The following ADCY3 variants were observed in gnomAD, a reference collection of about 807,000 sequenced individuals.
The protein encoded by ADCY3 is adenylate cyclase type 3.
Under a neutral mutation model 119.4 loss-of-function variants are expected in ADCY3, and 70 were observed. The observed-to-expected ratio is 0.59, with a 90% CI of 0.48 to 0.72. The LOEUF (loss-of-function observed/expected upper bound fraction) is 0.72, where lower values mean the gene tolerates loss of function less well. Ranked by LOEUF, ADCY3 falls within the 30% of genes least tolerant of loss-of-function variation. ADCY3 has a pLI of 0.00. For missense variants in ADCY3, 1,238 were observed against 1,541.6 expected (o/e 0.80, Z 3.30); for synonymous variants, 672 against 621.4 (o/e 1.08, Z -1.21).
rs771396489 is a variant in ADCY3 at position 24,919,631 on chromosome 2, G to T, written c.-198+52C>A. The T allele has an allele frequency of 2.0e-5, 3 of 152,294 alleles. No individual in the cohort carries two copies. The highest frequency in any genetic ancestry group is 4.4e-5 in the Non-Finnish European group (3 of 68,180). The allele number at this position is 152,294 out of a possible 1,614,324, so 9.4% of individuals were successfully genotyped here. ...GGCTCCGATCCGGCCCCCTTCCCAC[G>T]CTCGGGGCGCTGTCTTCCCCCCCGG... On this transcript the variant is annotated intron_variant, in intron 1 of 21. Transcript: ENST00000679454. The surrounding 1 kb of genome is among the most constrained non-coding windows in gnomAD (Gnocchi z 5.5).
At position 24,823,492 on chromosome 2, in the gene ADCY3, A is replaced by ATTTT. The variant is rs5829941; in HGVS notation, c.2737-141_2737-138dup. On this transcript the variant is annotated intron_variant, in intron 17 of 21. Coordinates refer to ENST00000679454, the MANE Select transcript of ADCY3 (RefSeq NM_004036.5). ...CACACATCAGTCAGATTATTCCAGCATTTTTTTTTTTTTTTTTAAGAGTGG... is the reference window on the plus strand; with the variant it reads ...CACACATCAGTCAGATTATTCCAGCATTTTTTTTTTTTTTTTTTTTTAAGAGTGG... The ATTTT allele has an allele frequency of 1.2e-3, 771 of 659,226 alleles. 7 individuals are homozygous for ATTTT. Among genetic ancestry groups the ATTTT allele is most frequent in the Middle Eastern group, 1.8e-3 (4 of 2,208 alleles). The allele number at this position is 659,226 out of a possible 1,614,324, so 40.8% of individuals were successfully genotyped here.
chr2:24,821,376 G>T, intron 20 of ADCY3, 141 bp downstream of exon 20: 1 of 1,260,690 alleles, frequency 7.9e-7, no homozygotes, highest in Non-Finnish European at 1.1e-6. Context: ...GGTCTTTCAG[G>T]TCTCCTTGCC....
intron 13 of ADCY3, among the ~76,000 whole-genome samples, chr2:24,828,869 A>C (rs113000860): frequency 6.6e-6 from 1 of 151,976 alleles, no homozygotes; most frequent in African/African-American, 2.4e-5. Flanking sequence ...TGCAGTGGTG[A>C]CCTCCACACC....
chr2:24,826,222 C>T lies in ADCY3; in HGVS notation c.2496-96G>A, dbSNP rs1668597350. ...CTAGATGGTGCTGCTTCCTGCCACC[C>T]CAGCCCTAGAGCTCACCCCGGCTCC... On this transcript the variant is annotated intron_variant, in intron 15 of 21. Transcript: ENST00000679454. The T allele has an allele frequency of 6.2e-6, 7 of 1,126,148 alleles. No homozygotes were observed. In the Admixed American group the frequency reaches 1.0e-4, roughly 17 times the overall value. The allele number at this position is 1,126,148 out of a possible 1,614,324, so 69.8% of individuals were successfully genotyped here.
Position 24,919,249 on chromosome 2 carries a change from G to A in ADCY3, c.-197-65C>T, listed in dbSNP as rs1186674884. ...CTACCTTGCGGTTTCCCCATGACCCGCCCTAACCCTCATAAAAGGATCTCT... is the reference window on the plus strand; with the variant it reads ...CTACCTTGCGGTTTCCCCATGACCCACCCTAACCCTCATAAAAGGATCTCT... On this transcript the variant is annotated intron_variant, in intron 1 of 21. Coordinates refer to ENST00000679454, the MANE Select transcript of ADCY3 (RefSeq NM_004036.5). The surrounding 1 kb of genome is among the most constrained non-coding windows in gnomAD (Gnocchi z 5.5). The A allele has an allele frequency of 1.3e-5, 6 of 469,302 alleles. No homozygotes were observed. The highest frequency in any genetic ancestry group is 1.9e-5 in the Non-Finnish European group (5 of 259,482). The allele number at this position is 469,302 out of a possible 1,614,324, so 29.1% of individuals were successfully genotyped here. A position where few individuals can be genotyped will look rare whatever the true frequency, so the allele number is the denominator to read the frequency against.
chr2:24,840,677 G>A (rs1299429422), intron 6 of ADCY3: 13 of 380,502 alleles, frequency 3.4e-5, no homozygotes. Flanking sequence ...GCAGAGGCTG[G>A]AAGTCAACCA....
At chr2:24,851,988 G>A (rs1214925593) in intron 3 of ADCY3, among the ~76,000 whole-genome samples, 8 of 152,288 alleles carry the variant, frequency 5.3e-5, no homozygotes, top group South Asian at 2.1e-4. Flanking sequence ...GATTAAAGCC[G>A]TATTCCTTGG....
intron 13 of ADCY3, 97 bp downstream of exon 13, chr2:24,830,612 G>C (rs1488251990): frequency 2.6e-5 from 23 of 868,276 alleles, no homozygotes; most frequent in Non-Finnish European, 4.2e-5. Flanking sequence ...ACATGACGGT[G>C]GAGGGATGGA....
Position 24,918,332 on chromosome 2 carries a change from C to A in ADCY3, c.656G>T (p.Gly219Val). ...ACTCACCTCCCGCAGCAGCTGCATCCCCTTGAGCTCCTCCTGCTGCTGCTG... is the reference window on the plus strand; with the variant it reads ...ACTCACCTCCCGCAGCAGCTGCATCACCTTGAGCTCCTCCTGCTGCTGCTG... ...VAQQQQEELK[G>V]MQLLREILAN... The change falls in exon 2 of 22, where the codon GGG becomes GTG. Residue 219 changes from glycine to valine, a missense_variant. This residue lies in a region of ADCY3 where 283 missense variants were observed against 437.2 expected (regional missense o/e 0.65). Coordinates refer to ENST00000679454, the MANE Select transcript of ADCY3 (RefSeq NM_004036.5). The surrounding 1 kb of genome is among the most constrained non-coding windows in gnomAD (Gnocchi z 5.4). 2 of 1,584,604 alleles carry A rather than the reference C, an allele frequency of 1.3e-6. No homozygotes were observed. Among genetic ancestry groups the A allele is most frequent in the Non-Finnish European group, 1.7e-6 (2 of 1,164,704 alleles).
intron 3 of ADCY3, among the ~76,000 whole-genome samples, chr2:24,871,058 A>G (rs1391992388): frequency 1.3e-5 from 2 of 152,180 alleles, no homozygotes; most frequent in African/African-American, 2.4e-5. Context: ...GACAAGATCA[A>G]TGCAGACAGA....
intron 2 of ADCY3, among the ~76,000 whole-genome samples, chr2:24,900,706 C>A (rs367547821): frequency 9.2e-5 from 14 of 152,152 alleles, no homozygotes; most frequent in African/African-American, 3.4e-4. Context: ...AGCAACATAG[C>A]TGAATTCAAA....
chr2:24,915,034 G>A (rs1664281385), intron 2 of ADCY3, among the ~76,000 whole-genome samples: 1 of 152,212 alleles, frequency 6.6e-6, no homozygotes. Context: ...AGCCCCATGT[G>A]TACCTTCTGT....
intron 2 of ADCY3, among the ~76,000 whole-genome samples, chr2:24,914,285 C>T (rs1049668546): frequency 1.3e-5 from 2 of 152,146 alleles, no homozygotes; most frequent in African/African-American, 4.8e-5. Context: ...GACAAATGAG[C>T]CCTGGGCTGG....
rs568357731 is a variant in ADCY3, at chr2:24,834,209, C to G, written c.1967+276G>C. Reference sequence around the variant, plus strand: ...GGGCCCATCTAGCCAAGGTCTCCAGCCTTCTGGAGGCCTCTGTCCCTCAGC... The same window carrying G: ...GGGCCCATCTAGCCAAGGTCTCCAGGCTTCTGGAGGCCTCTGTCCCTCAGC... On this transcript the variant is annotated intron_variant, in intron 11 of 21. Transcript: ENST00000679454. This position sits in a 1 kb window ranked among gnomAD's most constrained non-coding sequence, Gnocchi z 4.2. Among the ~76,000 whole-genome samples the G allele has an allele frequency of 1.3e-5, 2 of 152,242 alleles. No homozygotes were observed. Among genetic ancestry groups the G allele is most frequent in the Non-Finnish European group, 1.5e-5 (1 of 68,042 alleles).
intron 2 of ADCY3, among the ~76,000 whole-genome samples, chr2:24,917,124 T>C (rs1200824652): frequency 1.3e-5 from 2 of 152,180 alleles, no homozygotes; most frequent in African/African-American, 4.8e-5. Flanking sequence ...GAGTGGAAGA[T>C]TCTGTCTGTC....
intron 2 of ADCY3, chr2:24,877,856 C>A (rs1027827837): frequency 2.1e-6 from 1 of 470,532 alleles, no homozygotes; most frequent in Non-Finnish European, 4.4e-6. Flanking sequence ...ACTTCTGGGC[C>A]CAAGGGCAAC....
chr2:24,823,685 C>A (rs1379178817), intron 17 of ADCY3, among the ~76,000 whole-genome samples: 2 of 121,782 alleles, frequency 1.6e-5, no homozygotes, highest in Non-Finnish European at 3.4e-5. Context: ...AATAGCTCAT[C>A]GCTACTTTTT....
At position 24,841,021 on chromosome 2, in the gene ADCY3, T is replaced by C. The variant is rs1670933763; in HGVS notation, c.1196+238A>G. Among the ~76,000 whole-genome samples, 1 of 152,212 alleles carries C rather than the reference T, an allele frequency of 6.6e-6. No individual in the cohort carries two copies. Among genetic ancestry groups the C allele is most frequent in the African/African-American group, 2.4e-5 (1 of 41,458 alleles). The stretch of plus-strand genomic sequence containing the variant: ...AATACGTGGACTAAGGCTGGAAAAG[T>C]GTGCCCCACAGGCTGGGGGAGCCTC... On this transcript the variant is annotated intron_variant, in intron 6 of 21. Coordinates refer to ENST00000679454, the MANE Select transcript of ADCY3 (RefSeq NM_004036.5). This position sits in a 1 kb window ranked among gnomAD's most constrained non-coding sequence, Gnocchi z 5.8.
At chr2:24,877,929 A>G (rs760954373) in intron 2 of ADCY3, 2 of 471,176 alleles carry the variant, frequency 4.2e-6, no homozygotes, top group Non-Finnish European at 8.8e-6. Flanking sequence ...CACCAAACCC[A>G]TGAGGTTGAG....
Sources: gnomAD v4.1 joint callset for allele counts (sites outside exome capture counted in the v4.1 genomes callset) on GRCh38, gnomAD v4.1.1 for gene constraint, gnomAD v4.1.1 regional missense constraint, Gnocchi (gnomAD v3.1) non-coding constraint, MANE v1.5 for transcripts, NCBI Gene and HGNC (gene_info 2026-07-23, HGNC 2026-07-21) for gene names.